Variants in MYO16 observed in about 807,000 individuals in gnomAD.
MYO16 encodes the protein unconventional myosin-XVI.
Under a neutral mutation model 205.3 loss-of-function variants are expected in MYO16, and 94 were observed. That is an observed-to-expected ratio of 0.46 (90% confidence interval 0.39 to 0.54). The LOEUF is 0.54. Ranked by LOEUF, MYO16 falls within the 20% of genes least tolerant of loss-of-function variation. The probability of loss-of-function intolerance (pLI) is 0.00; values close to 1 mark genes in which losing one functional copy is unlikely to be tolerated. For synonymous variants in MYO16, 988 were observed against 954.0 expected, an observed-to-expected ratio of 1.04 and a Z score of -0.66; for missense variants, 2,315 against 2,387.5, an observed-to-expected ratio of 0.97 and a Z score of 0.63.
At chr13:109,091,340 T>G (rs1888616313) in intron 27 of MYO16, among the ~76,000 whole-genome samples, 1 of 152,246 alleles carries the variant, frequency 6.6e-6, no homozygotes, top group African/African-American at 2.4e-5. Flanking sequence ...GTAGACATTG[T>G]GTGTATTTCT....
At chr13:108,672,935 G>A (rs1385245079) in intron 2 of MYO16, among the ~76,000 whole-genome samples, 1 of 151,630 alleles carries the variant, frequency 6.6e-6, no homozygotes, top group Non-Finnish European at 1.5e-5. Context: ...AGTAACTGCT[G>A]ATGTTATTAT....
upstream of MYO16, among the ~76,000 whole-genome samples, chr13:108,626,939 TA>T (rs1255164693): frequency 3.6e-4 from 52 of 146,428 alleles, no homozygotes; most frequent in Middle Eastern, 3.6e-3. Flanking sequence ...ATAATATATA[TA>T]AAAATATATA....
Position 109,140,556 on chromosome 13 carries a change from C to T in MYO16, c.4344C>T (p.Asp1448=). ...ACGCGGCCAGGCCCGATAGCCCGGA[C>T]CCCGGGGAGTCCGTGTACGAGGAGA... ...LGHAARPDSP[D]PGESVYEEMK... Residue 1448 remains aspartate (D), a synonymous_variant, in exon 32 of 35, where the codon GAC becomes GAT. Transcript: ENST00000457511. The surrounding 1 kb of genome is among the most constrained non-coding windows in gnomAD (Gnocchi z 8.0). 6.5e-7 allele frequency: 1 copy of T among 1,541,840 alleles called. No individual in the cohort carries two copies. Among genetic ancestry groups the T allele is most frequent in the Non-Finnish European group, 8.7e-7 (1 of 1,151,224 alleles).
At chr13:108,881,223 G>A (rs1251104775) in intron 12 of MYO16, among the ~76,000 whole-genome samples, 1 of 152,174 alleles carries the variant, frequency 6.6e-6, no homozygotes, top group East Asian at 1.9e-4. Context: ...CTGCAGCTGA[G>A]GGTCCTGACT....
intron 9 of MYO16, among the ~76,000 whole-genome samples, chr13:108,838,675 A>AT (rs1437704579): frequency 0.014 from 1,726 of 121,872 alleles, 27 homozygotes; most frequent in South Asian, 0.062. Context: ...CAAAAAAAAA[A>AT]AAAATATATA....
intron 34 of MYO16, among the ~76,000 whole-genome samples, chr13:109,182,640 C>G (rs906893095): frequency 2.6e-5 from 4 of 152,146 alleles, no homozygotes; most frequent in Admixed American, 6.6e-5. Flanking sequence ...TTGTTACTAT[C>G]TATAAAGTTT....
At chr13:108,591,180 C>T (rs1405678243), upstream of MYO16, among the ~76,000 whole-genome samples, 2 of 152,122 alleles carry the variant, frequency 1.3e-5, no homozygotes, top group African/African-American at 4.8e-5. Flanking sequence ...CGAAAAAGAT[C>T]ACCAGGAGAG....
At chr13:108,984,750 AG>A (rs961924349) in intron 20 of MYO16, among the ~76,000 whole-genome samples, 2 of 152,130 alleles carry the variant, frequency 1.3e-5, no homozygotes, top group Non-Finnish European at 2.9e-5. Flanking sequence ...TGTGACCCTC[AG>A]GTTTGTCAAA....
At chr13:108,977,312 C>T (rs1239742487) in intron 20 of MYO16, among the ~76,000 whole-genome samples, 1 of 151,980 alleles carries the variant, frequency 6.6e-6, no homozygotes, top group Non-Finnish European at 1.5e-5. Flanking sequence ...TTTTTTTTCT[C>T]AGTTACAAAC....
At chr13:108,943,642 G>A (rs1403211965) in intron 16 of MYO16, among the ~76,000 whole-genome samples, 2 of 151,934 alleles carry the variant, frequency 1.3e-5, no homozygotes, top group African/African-American at 4.8e-5. Context: ...GTAGAGATGA[G>A]GTTTCACCAT....
chr13:108,998,452 T>TA (rs1178823453), intron 21 of MYO16, among the ~76,000 whole-genome samples: 1 of 152,248 alleles, frequency 6.6e-6, no homozygotes, highest in Non-Finnish European at 1.5e-5. Flanking sequence ...ATTCCTTTTT[T>TA]ATAAATTAGA....
intron 1 of MYO16, among the ~76,000 whole-genome samples, chr13:108,650,581 A>G (rs1479162499): frequency 6.6e-6 from 1 of 152,232 alleles, no homozygotes; most frequent in African/African-American, 2.4e-5. Context: ...GGGTTCAAAA[A>G]TGTATATTTA....
In MYO16 at chr13:109,127,518, G is replaced by T. The variant is rs757339986; in HGVS notation, c.4019G>T (p.Cys1340Phe). ...LSASYEAVSA[C>F]LSAAREAANE... ...GCTTCCTATGAGGCTGTGAGCGCCTGCCTCTCCGCGGCCAGGGAAGCGGCC... is the reference window on the plus strand; with the variant it reads ...GCTTCCTATGAGGCTGTGAGCGCCTTCCTCTCCGCGGCCAGGGAAGCGGCC... Residue 1340 changes from cysteine (C) to phenylalanine (F), a missense_variant, in exon 31 of 35, where the codon TGC becomes TTC. Coordinates refer to ENST00000457511, the MANE Select transcript of MYO16 (RefSeq NM_001198950.3). The surrounding 1 kb of genome is among the most constrained non-coding windows in gnomAD (Gnocchi z 4.2). 2.5e-6 allele frequency: 4 copies of T among 1,612,358 alleles called. No homozygotes were observed. The highest frequency in any genetic ancestry group is 1.7e-5 in the Admixed American group (1 of 60,010).
At chr13:108,969,088 G>C (rs1883911840) in intron 20 of MYO16, among the ~76,000 whole-genome samples, 1 of 152,178 alleles carries the variant, frequency 6.6e-6, no homozygotes, top group Non-Finnish European at 1.5e-5. Context: ...CCCATTTTGA[G>C]TGAGTTGGAT....
chr13:108,744,641 G>T (rs545769172), intron 4 of MYO16, among the ~76,000 whole-genome samples: 4 of 152,310 alleles, frequency 2.6e-5, no homozygotes, highest in African/African-American at 9.6e-5. Flanking sequence ...TGATACTTTT[G>T]TGGTGAAATC....
the MYO16 span, among the ~76,000 whole-genome samples, chr13:108,569,440 T>C: frequency 6.6e-6 from 1 of 152,174 alleles, no homozygotes; most frequent in African/African-American, 2.4e-5. Context: ...AATTGCTTTT[T>C]TAATTTTACT....
At chr13:108,899,531 T>G (rs921680493) in intron 15 of MYO16, among the ~76,000 whole-genome samples, 7 of 152,250 alleles carry the variant, frequency 4.6e-5, no homozygotes, top group African/African-American at 1.7e-4. Context: ...ATTGGTTTTT[T>G]AAACCCATGG....
At chr13:109,089,316 C>T (rs993764774) in intron 27 of MYO16, among the ~76,000 whole-genome samples, 2 of 151,898 alleles carry the variant, frequency 1.3e-5, no homozygotes, top group Admixed American at 6.6e-5. Flanking sequence ...TGGGTTCCAG[C>T]GATTCTCCTG....
Position 109,091,515 on chromosome 13 carries a change from G to A in MYO16, c.3336-9270G>A, listed in dbSNP as rs147387668. 1.3e-3 allele frequency among the ~76,000 whole-genome samples: 192 copies of A among 152,212 alleles called. 1 individual carries two copies. Among genetic ancestry groups the A allele is most frequent in the Non-Finnish European group, 2.4e-3 (161 of 68,010 alleles). Reference sequence around the variant, plus strand: ...ATGCCATCGTAATCTAGTGTCTCCCGTGTCTGACGTTGCCATTGACGCCAC... The same window carrying A: ...ATGCCATCGTAATCTAGTGTCTCCCATGTCTGACGTTGCCATTGACGCCAC... On this transcript the variant is annotated intron_variant, in intron 27 of 34. Coordinates refer to ENST00000457511, the MANE Select transcript of MYO16 (RefSeq NM_001198950.3).
Sources: gnomAD v4.1 joint callset for allele counts (sites outside exome capture counted in the v4.1 genomes callset) on GRCh38, gnomAD v4.1.1 for gene constraint, Gnocchi (gnomAD v3.1) non-coding constraint, MANE v1.5 for transcripts, NCBI Gene and HGNC (gene_info 2026-07-23, HGNC 2026-07-21) for gene names.